CACNA1D: variants seen among roughly 807,000 people sequenced by gnomAD.
CACNA1D encodes the protein calcium voltage-gated channel subunit alpha1 D.
CACNA1D carries 55 observed loss-of-function variants against 257.1 expected under a neutral mutation model. The ratio of observed to expected loss-of-function variants is 0.21; its 90% CI spans 0.17 to 0.27. The LOEUF (loss-of-function observed/expected upper bound fraction) is 0.27, where lower values mean the gene tolerates loss of function less well. Ranked by LOEUF, CACNA1D falls within the 10% of genes least tolerant of loss-of-function variation. CACNA1D has a pLI of 1.00. For synonymous variants in CACNA1D, 980 were observed against 1,014.9 expected (o/e 0.97, Z 0.65); for missense variants, 1,876 against 2,784.0 (o/e 0.67, Z 7.34).
chr3:53,666,850 A>T (rs913625007), intron 7 of CACNA1D, among the ~76,000 whole-genome samples: 2 of 152,158 alleles, frequency 1.3e-5, no homozygotes, highest in Non-Finnish European at 2.9e-5. Context: ...GGCTATCCTG[A>T]TTCAACTCTT....
intron 14 of CACNA1D, 133 bp from the exon 15 acceptor site, chr3:53,726,746 G>C: frequency 1.0e-6 from 1 of 975,888 alleles, no homozygotes; most frequent in South Asian, 1.3e-5. Flanking sequence ...TGGGATAACA[G>C]ATGGATTTGT....
At chr3:53,731,935 T>C in intron 17 of CACNA1D, 81 bp from the exon 18 acceptor site, 2 of 899,282 alleles carry the variant, frequency 2.2e-6, no homozygotes, top group African/African-American at 1.6e-5. Context: ...TGCCCTATGC[T>C]GGACCACCAG....
At chr3:53,572,132 G>A (rs935746237) in intron 3 of CACNA1D, among the ~76,000 whole-genome samples, 1 of 152,108 alleles carries the variant, frequency 6.6e-6, no homozygotes, top group African/African-American at 2.4e-5. Context: ...CTGACCTGTT[G>A]CTATTCTAGA....
intron 39 of CACNA1D, 35 bp from the exon 40 acceptor site, chr3:53,786,787 G>A (rs1189878052): frequency 6.4e-7 from 1 of 1,572,444 alleles, no homozygotes; most frequent in South Asian, 1.1e-5. Flanking sequence ...CTAATGTGCT[G>A]ATTCGGGAGA....
In CACNA1D at chr3:53,548,371, T is replaced by TAAAAA. The variant is rs869046550; in HGVS notation, c.483+46652_483+46656dup. Reference sequence around the variant, plus strand: ...ACAAAGCTTTTTTTTTTTTTTTTTTTAAAAATTATCTTTAAAGAATCCATT... The same window carrying TAAAAA: ...ACAAAGCTTTTTTTTTTTTTTTTTTTAAAAAAAAAATTATCTTTAAAGAATCCATT... On this transcript the variant is annotated intron_variant, in intron 3 of 47. Coordinates refer to ENST00000350061, the MANE Select transcript of CACNA1D (RefSeq NM_001128840.3). Among the ~76,000 whole-genome samples, 295 of 138,144 alleles carry TAAAAA rather than the reference T, an allele frequency of 2.1e-3. 4 individuals are homozygous for TAAAAA. Among genetic ancestry groups the TAAAAA allele is most frequent in the African/African-American group, 6.3e-3 (233 of 37,144 alleles). 90.6% of individuals were successfully genotyped at this position (138,144 alleles called of 152,430 possible).
intron 3 of CACNA1D, among the ~76,000 whole-genome samples, chr3:53,560,150 A>G (rs894723025): frequency 7.4e-6 from 1 of 136,048 alleles, no homozygotes; most frequent in Non-Finnish European, 1.5e-5. Flanking sequence ...GCACTTTTGG[A>G]TGGTGAGCTG....
intron 9 of CACNA1D, among the ~76,000 whole-genome samples, chr3:53,712,532 G>A (rs2094770177): frequency 6.6e-6 from 1 of 152,216 alleles, no homozygotes; most frequent in Non-Finnish European, 1.5e-5. Context: ...CTACTAGCAT[G>A]TGCATGTGCC....
chr3:53,786,932 A>T lies in CACNA1D; in HGVS notation c.4903A>T (p.Asn1635Tyr), dbSNP rs758282970. 6.2e-7 allele frequency: 1 copy of T among 1,614,162 alleles called. No individual in the cohort carries two copies. The highest frequency in any genetic ancestry group is 2.2e-5 in the East Asian group (1 of 44,890). Residue 1635 changes from asparagine (N) to tyrosine (Y), a missense_variant, in exon 40 of 48, where the codon AAC becomes TAC. Asn to Tyr is a moderately radical substitution (Grantham distance 143). Around this residue, in one of 10 missense-constraint regions of CACNA1D, gnomAD observed 160 missense variants for 236.6 expected, o/e 0.68. Transcript: ENST00000350061. ...ACTGGTGGGAAAGTACCCTGCGAAGAACACCACAATTGCCCTACAGGTGAA... is the reference window on the plus strand; with the variant it reads ...ACTGGTGGGAAAGTACCCTGCGAAGTACACCACAATTGCCCTACAGGTGAA... ...QGLVGKYPAK[N>Y]TTIALQAGLR... is the part of the protein sequence containing the mutation.
intron 30 of CACNA1D, among the ~76,000 whole-genome samples, chr3:53,767,642 G>A (rs1015152358): frequency 2.0e-5 from 3 of 149,624 alleles, no homozygotes; most frequent in African/African-American, 7.3e-5. Flanking sequence ...AGAATCCCTG[G>A]GGTGGGACCT....
intron 3 of CACNA1D, among the ~76,000 whole-genome samples, chr3:53,592,698 C>A (rs958422593): frequency 6.6e-6 from 1 of 151,390 alleles, no homozygotes; most frequent in Admixed American, 6.6e-5. Context: ...CAGGGCCTGA[C>A]CCTAGTTCTG....
rs2090322493 is a variant in CACNA1D at position 53,495,911 on chromosome 3, G to C, written c.67+678G>C. Among the ~76,000 whole-genome samples the C allele has an allele frequency of 6.6e-6, 1 of 152,342 alleles. No homozygotes were observed. The highest frequency in any genetic ancestry group is 2.4e-5 in the African/African-American group (1 of 41,580). ...CCACGTGCAGCTTCCACGCCGGCCG[G>C]GGCTGGGTCGAGGGAGGATGGAGCA... is the stretch of plus-strand genomic sequence containing the variant. On this transcript the variant is annotated intron_variant, in intron 1 of 47. Transcript: ENST00000350061. This position sits in a 1 kb window ranked among gnomAD's most constrained non-coding sequence, Gnocchi z 5.1.
chr3:53,554,245 A>G (rs1032216318), intron 3 of CACNA1D, among the ~76,000 whole-genome samples: 17 of 152,098 alleles, frequency 1.1e-4, no homozygotes, highest in Non-Finnish European at 2.4e-4. Flanking sequence ...ATTTGTGTCA[A>G]TCTTTGTGAG....
At chr3:53,510,123 A>G (rs1369188960) in intron 3 of CACNA1D, among the ~76,000 whole-genome samples, 2 of 152,248 alleles carry the variant, frequency 1.3e-5, no homozygotes, top group Non-Finnish European at 2.9e-5. Flanking sequence ...ATACATGAAT[A>G]CATTGTTTCA....
chr3:53,662,052 T>C (rs1414947537), intron 5 of CACNA1D, among the ~76,000 whole-genome samples: 2 of 152,168 alleles, frequency 1.3e-5, no homozygotes, highest in Non-Finnish European at 2.9e-5. Context: ...CTAGTGCTGG[T>C]TGGCAGCCGT....
At chr3:53,798,308 C>T (rs4687585) in intron 40 of CACNA1D, among the ~76,000 whole-genome samples, 16 of 148,764 alleles carry the variant, frequency 1.1e-4, no homozygotes, top group African/African-American at 1.7e-4. Flanking sequence ...TGTATGTGTG[C>T]GTGTGTGTGT....
At position 53,723,362 on chromosome 3, in the gene CACNA1D, G is replaced by A. The variant is rs2094901016; in HGVS notation, c.1667-72G>A. ...TCCTGTGGGGCCTGATAGGGAGGGA[G>A]GTGTGAGGGGCACGAGCAGTCTGAG... is the stretch of plus-strand genomic sequence containing the variant. On this transcript the variant is annotated intron_variant, in intron 12 of 47. Transcript: ENST00000350061. The surrounding 1 kb of genome is among the most constrained non-coding windows in gnomAD (Gnocchi z 5.6). The A allele has an allele frequency of 6.7e-6, 7 of 1,040,152 alleles. No homozygotes were observed. The highest frequency in any genetic ancestry group is 2.4e-5 in the East Asian group (1 of 42,342). The allele number at this position is 1,040,152 out of a possible 1,614,324, so 64.4% of individuals were successfully genotyped here.
chr3:53,546,316 T>G (rs1181796338), intron 3 of CACNA1D, among the ~76,000 whole-genome samples: 1 of 152,140 alleles, frequency 6.6e-6, no homozygotes, highest in Non-Finnish European at 1.5e-5. Flanking sequence ...TGTGACCGAT[T>G]CCAGGAACCC....
At chr3:53,675,167 A>C (rs569312496) in intron 8 of CACNA1D, among the ~76,000 whole-genome samples, 11 of 152,278 alleles carry the variant, frequency 7.2e-5, no homozygotes, top group Non-Finnish European at 1.5e-4. Flanking sequence ...TGCCCGCCAG[A>C]GAGAGGAGTG....
intron 3 of CACNA1D, among the ~76,000 whole-genome samples, chr3:53,599,263 A>G (rs976695677): frequency 3.9e-5 from 6 of 152,176 alleles, no homozygotes; most frequent in African/African-American, 1.2e-4. Flanking sequence ...ATCATATCCT[A>G]TCATTGGACT....
Sources: allele counts gnomAD v4.1 joint callset (sites outside exome capture counted in the v4.1 genomes callset), GRCh38; gene constraint gnomAD v4.1.1; regional missense constraint gnomAD v4.1.1; non-coding constraint Gnocchi (gnomAD v3.1); transcripts MANE v1.5; gene names NCBI Gene and HGNC (gene_info 2026-07-23, HGNC 2026-07-21).